The following NBAS variants were observed in gnomAD, a reference collection of about 807,000 sequenced individuals.
The protein encoded by NBAS is NAG/BC035112 fusion.
A neutral mutation model predicts 302.5 loss-of-function variants in NBAS; 219 were observed. The ratio of observed to expected loss-of-function variants is 0.72; its 90% CI spans 0.65 to 0.81. The LOEUF is 0.81. Among genes scored for constraint, NBAS ranks in the 30% least tolerant of loss-of-function variants. The probability of loss-of-function intolerance (pLI) is 0.00; values close to 1 mark genes in which losing one functional copy is unlikely to be tolerated. For missense variants in NBAS, 2,932 were observed against 2,841.6 expected, an observed-to-expected ratio of 1.03 and a Z score of -0.72; for synonymous variants, 1,118 against 1,021.6, an observed-to-expected ratio of 1.09 and a Z score of -1.80.
At position 15,402,239 on chromosome 2, in the gene NBAS, A is replaced by G; in HGVS notation, c.3000T>C (p.Tyr1000=). Residue 1000 remains tyrosine, a synonymous_variant, in exon 26 of 52, where the codon TAT becomes TAC. Transcript: ENST00000281513. Reference sequence around the variant, plus strand: ...AGAGTTGATCATTTCGTTCACAGGTATAGATGCACTCTAGTGCTATTGCCA... The same window carrying G: ...AGAGTTGATCATTTCGTTCACAGGTGTAGATGCACTCTAGTGCTATTGCCA... The part of the protein sequence containing the change: ...QLMAIALECI[Y]TCERNDQLCL... The G allele has an allele frequency of 6.2e-7, 1 of 1,613,660 alleles. No individual in the cohort carries two copies. The highest frequency in any genetic ancestry group is 8.5e-7 in the Non-Finnish European group (1 of 1,179,686).
chr2:15,157,962 T>C, the NBAS span, among the ~76,000 whole-genome samples: 1 of 152,162 alleles, frequency 6.6e-6, no homozygotes, highest in Non-Finnish European at 1.5e-5. Context: ...ACAATATGAA[T>C]AGTCCTGCTC....
chr2:14,920,834 G>A, the NBAS span, among the ~76,000 whole-genome samples: 1 of 151,822 alleles, frequency 6.6e-6, no homozygotes, highest in Admixed American at 6.6e-5. Context: ...TTAAGGGAAT[G>A]ATGTGGCTGC....
the NBAS span, among the ~76,000 whole-genome samples, chr2:14,893,826 G>A: frequency 6.6e-6 from 1 of 152,186 alleles, no homozygotes; most frequent in African/African-American, 2.4e-5. Context: ...CCTCTAGCAT[G>A]ATTTACTCAC....
the NBAS span, among the ~76,000 whole-genome samples, chr2:15,036,908 C>A: frequency 1.3e-5 from 2 of 152,066 alleles, no homozygotes; most frequent in Non-Finnish European, 2.9e-5. Context: ...AAATTAGACT[C>A]CCTAGGGGAT....
intron 51 of NBAS, among the ~76,000 whole-genome samples, chr2:15,170,206 C>A (rs1054947007): frequency 6.6e-6 from 1 of 152,194 alleles, no homozygotes; most frequent in Admixed American, 6.5e-5. Flanking sequence ...TTAACGCCTG[C>A]GGCCGCTGCT....
At chr2:15,081,992 A>G in the NBAS span, among the ~76,000 whole-genome samples, 1 of 152,342 alleles carries the variant, frequency 6.6e-6, no homozygotes, top group African/African-American at 2.4e-5. Flanking sequence ...CATCTGTGAA[A>G]TGAGAATAAT....
At chr2:15,535,276 C>A (rs914750460) in intron 8 of NBAS, among the ~76,000 whole-genome samples, 1 of 152,126 alleles carries the variant, frequency 6.6e-6, no homozygotes, top group Admixed American at 6.5e-5. Context: ...TATCCCAGCA[C>A]TTTGGGAGGC....
the NBAS span, among the ~76,000 whole-genome samples, chr2:15,120,880 T>C: frequency 1.3e-5 from 2 of 152,258 alleles, no homozygotes; most frequent in Non-Finnish European, 2.9e-5. Flanking sequence ...TCTGTTTCCA[T>C]ATATGGTATC....
intron 26 of NBAS, among the ~76,000 whole-genome samples, chr2:15,399,190 T>C (rs574505326): frequency 6.6e-6 from 1 of 152,294 alleles, no homozygotes; most frequent in African/African-American, 2.4e-5. Context: ...TTAAGAGTTA[T>C]GCACACGAGT....
chr2:15,506,639 T>A (rs1661867185), intron 10 of NBAS, among the ~76,000 whole-genome samples: 1 of 152,174 alleles, frequency 6.6e-6, no homozygotes. Context: ...AAACATACTG[T>A]AATTTCATCC....
intron 48 of NBAS, among the ~76,000 whole-genome samples, chr2:15,213,379 T>C (rs1189405668): frequency 6.6e-6 from 1 of 152,236 alleles, no homozygotes; most frequent in Non-Finnish European, 1.5e-5. Context: ...TATAGTACCA[T>C]GTATCGAGAC....
chr2:15,410,204 T>A (rs554904663), intron 25 of NBAS, among the ~76,000 whole-genome samples: 50 of 152,342 alleles, frequency 3.3e-4, no homozygotes, highest in Non-Finnish European at 7.2e-4. Context: ...TTTCTTTTAT[T>A]TTCTGCATGA....
At chr2:15,132,739 G>C in the NBAS span, among the ~76,000 whole-genome samples, 1 of 151,468 alleles carries the variant, frequency 6.6e-6, no homozygotes, top group African/African-American at 2.4e-5. Context: ...ACCTAAAACT[G>C]CTCTAAAAAA....
intron 16 of NBAS, 136 bp from the exon 17 acceptor site, chr2:15,468,669 A>G (rs758072114): frequency 3.5e-5 from 35 of 994,336 alleles, no homozygotes; most frequent in Non-Finnish European, 5.3e-5. Flanking sequence ...GAGCTGCTAG[A>G]GGAACTCAAG....
At chr2:15,355,956 T>C (rs1673596410) in intron 33 of NBAS, among the ~76,000 whole-genome samples, 1 of 152,142 alleles carries the variant, frequency 6.6e-6, no homozygotes, top group Non-Finnish European at 1.5e-5. Flanking sequence ...ATATTGACTA[T>C]ATAGACACAA....
the NBAS span, among the ~76,000 whole-genome samples, chr2:15,119,234 C>T: frequency 2.6e-5 from 4 of 151,882 alleles, no homozygotes; most frequent in African/African-American, 9.7e-5. Flanking sequence ...AGTGTGGCCA[C>T]CGTCTGGCTG....
At chr2:14,906,331 G>T in the NBAS span, among the ~76,000 whole-genome samples, 1 of 152,288 alleles carries the variant, frequency 6.6e-6, no homozygotes, top group Non-Finnish European at 1.5e-5. Context: ...CCACTTACAG[G>T]TGAGAAAAAG....
intron 47 of NBAS, among the ~76,000 whole-genome samples, chr2:15,219,351 A>G (rs1236219416): frequency 1.8e-5 from 2 of 113,432 alleles, no homozygotes; most frequent in African/African-American, 6.9e-5. Context: ...TTTATTGATC[A>G]TTCTTGGGTG....
chr2:15,539,390 A>G lies in NBAS; in HGVS notation c.380-34T>C, dbSNP rs111742989. On this transcript the variant is annotated intron_variant, in intron 6 of 51. Transcript: ENST00000281513. ...AAAGAAAACAAGAGGTGCTTCTAAC[A>G]ATATATTACAAAGATAGTTAATGCT... 3,670 of 1,613,190 alleles carry G rather than the reference A, an allele frequency of 2.3e-3. 38 individuals are homozygous for G. In the African/African-American group the frequency reaches 0.032, roughly 14 times the overall value.
Sources: gnomAD v4.1 joint callset for allele counts (sites outside exome capture counted in the v4.1 genomes callset) on GRCh38, gnomAD v4.1.1 for gene constraint, MANE v1.5 for transcripts, NCBI Gene and HGNC (gene_info 2026-07-23, HGNC 2026-07-21) for gene names.